The following MEMO1 variants were observed in gnomAD, a reference collection of about 807,000 sequenced individuals.
The protein encoded by MEMO1 is protein MEMO1.
In MEMO1, 6 loss-of-function variants were observed where a neutral mutation model predicts 45.2. The observed-to-expected ratio is 0.13, with a 90% CI of 0.07 to 0.26. The LOEUF (loss-of-function observed/expected upper bound fraction) is 0.26, where lower values mean the gene tolerates loss of function less well. MEMO1 is among the 10% of genes least tolerant of loss of function. MEMO1 has a pLI of 1.00. For missense variants in MEMO1, 184 were observed against 370.5 expected (o/e 0.50, Z 4.13); for synonymous variants, 78 against 124.3 (o/e 0.63, Z 2.48).
intron 7 of MEMO1, among the ~76,000 whole-genome samples, chr2:31,883,953 T>C (rs1192153519): frequency 6.6e-6 from 1 of 151,652 alleles, no homozygotes. Flanking sequence ...GTGTGACTTT[T>C]ATGAAGTAAA....
At chr2:31,957,809 A>G (rs757265097) in intron 2 of MEMO1, among the ~76,000 whole-genome samples, 10 of 152,252 alleles carry the variant, frequency 6.6e-5, no homozygotes, top group African/African-American at 1.9e-4. Context: ...GCATTTACAG[A>G]TAATCTAGAT....
intron 2 of MEMO1, among the ~76,000 whole-genome samples, chr2:31,996,893 G>A (rs1029681086): frequency 7.2e-5 from 11 of 152,098 alleles, no homozygotes; most frequent in African/African-American, 2.2e-4. Flanking sequence ...ACTATGCCCA[G>A]CAGAGAACGC....
intron 4 of MEMO1, among the ~76,000 whole-genome samples, chr2:31,931,028 A>T (rs1445966059): frequency 2.6e-5 from 4 of 152,112 alleles, no homozygotes; most frequent in Non-Finnish European, 5.9e-5. Flanking sequence ...TATATTAAGC[A>T]TGTATCAAGG....
chr2:31,921,428 G>A (rs1018008663), intron 4 of MEMO1, among the ~76,000 whole-genome samples: 1 of 152,042 alleles, frequency 6.6e-6, no homozygotes, highest in Non-Finnish European at 1.5e-5. Flanking sequence ...TGTCTTTGTT[G>A]GATGGCCTTT....
Position 31,928,153 on chromosome 2 carries a change from C to T in MEMO1, c.212+3914G>A, listed in dbSNP as rs1366305204. Among the ~76,000 whole-genome samples the T allele has an allele frequency of 3.3e-5, 5 of 152,186 alleles. No individual in the cohort carries two copies. In the East Asian group the frequency reaches 9.6e-4, roughly 29 times the overall value. On this transcript the variant is annotated intron_variant, in intron 4 of 9. Coordinates refer to ENST00000404530, the MANE Select transcript of MEMO1 (RefSeq NM_001301833.4). ...CCTTTGCTACCAATTCTTCATAGAACAGGCAAGTTTGTTTGTAAACAATCT... is the reference window on the plus strand; with the variant it reads ...CCTTTGCTACCAATTCTTCATAGAATAGGCAAGTTTGTTTGTAAACAATCT...
chr2:31,959,213 A>G (rs1336406833), intron 2 of MEMO1, among the ~76,000 whole-genome samples: 11 of 152,186 alleles, frequency 7.2e-5, no homozygotes, highest in Admixed American at 7.2e-4. Flanking sequence ...AAAAGGGATC[A>G]AGAGATTTCA....
chr2:31,901,374 CAAAAAAAA>C (rs70964738), intron 6 of MEMO1, among the ~76,000 whole-genome samples: 2 of 22,688 alleles, frequency 8.8e-5, no homozygotes, highest in African/African-American at 2.6e-4. Context: ...CTCTGTCTCA[CAAAAAAAA>C]AAAAAAAAAA....
intron 6 of MEMO1, among the ~76,000 whole-genome samples, chr2:31,915,746 T>C (rs111967728): frequency 2.0e-5 from 3 of 152,146 alleles, no homozygotes; most frequent in African/African-American, 7.2e-5. Flanking sequence ...GTAGCCCCAT[T>C]TGAGCCACCT....
At chr2:31,933,383 A>ATATATATATATATATATG (rs1185585265) in intron 3 of MEMO1, among the ~76,000 whole-genome samples, 2 of 112,636 alleles carry the variant, frequency 1.8e-5, no homozygotes, top group African/African-American at 6.4e-5. Context: ...ATATATATAT[A>ATATATATATATATATATG]GAAAGGGGAA....
intron 2 of MEMO1, among the ~76,000 whole-genome samples, chr2:31,973,074 T>C (rs1466614317): frequency 6.6e-6 from 1 of 152,204 alleles, no homozygotes; most frequent in East Asian, 1.9e-4. Context: ...GTGCAGTCAC[T>C]GTGGAAAAGT....
chr2:31,907,513 G>T (rs1679936437), intron 6 of MEMO1, among the ~76,000 whole-genome samples: 1 of 152,036 alleles, frequency 6.6e-6, no homozygotes, highest in Non-Finnish European at 1.5e-5. Flanking sequence ...TAACTAGTAA[G>T]TCCGGGCACA....
intron 4 of MEMO1, among the ~76,000 whole-genome samples, chr2:31,928,696 A>G (rs1324268965): frequency 6.6e-6 from 1 of 152,122 alleles, no homozygotes; most frequent in Non-Finnish European, 1.5e-5. Flanking sequence ...TAAATTTTAT[A>G]TTTTTTACCA....
At chr2:31,982,982 T>C (rs1299736779) in intron 2 of MEMO1, among the ~76,000 whole-genome samples, 3 of 151,926 alleles carry the variant, frequency 2.0e-5, no homozygotes, top group Non-Finnish European at 1.5e-5. Context: ...CTCACGCCTG[T>C]AATCCCAGCA....
At chr2:31,889,825 T>A (rs1004219941) in intron 7 of MEMO1, among the ~76,000 whole-genome samples, 2 of 152,102 alleles carry the variant, frequency 1.3e-5, no homozygotes, top group Non-Finnish European at 1.5e-5. Flanking sequence ...AATGAACACT[T>A]GAAAAGTTCT....
At chr2:31,932,783 T>C (rs1343115025) in intron 3 of MEMO1, among the ~76,000 whole-genome samples, 1 of 152,126 alleles carries the variant, frequency 6.6e-6, no homozygotes, top group African/African-American at 2.4e-5. Flanking sequence ...AGCAGACTAT[T>C]ACAGAAAAAT....
intron 6 of MEMO1, among the ~76,000 whole-genome samples, chr2:31,895,290 T>TAGG (rs1677588835): frequency 6.6e-6 from 1 of 152,214 alleles, no homozygotes; most frequent in African/African-American, 2.4e-5. Flanking sequence ...GCAGAAGTTG[T>TAGG]ATCTGAGTAA....
chr2:31,951,481 C>T (rs915136809), intron 2 of MEMO1, among the ~76,000 whole-genome samples: 5 of 151,108 alleles, frequency 3.3e-5, no homozygotes, highest in East Asian at 3.9e-4. Context: ...AAAGTGTTTC[C>T]GAGAAGCCTT....
intron 4 of MEMO1, among the ~76,000 whole-genome samples, chr2:31,926,376 G>GA (rs35245442): frequency 2.6e-3 from 316 of 120,190 alleles, no homozygotes; most frequent in South Asian, 0.021. Flanking sequence ...TCTCAAAAGG[G>GA]AAAAAAAAAA....
At chr2:31,992,557 G>C (rs1672075195) in intron 2 of MEMO1, among the ~76,000 whole-genome samples, 1 of 152,218 alleles carries the variant, frequency 6.6e-6, no homozygotes, top group Non-Finnish European at 1.5e-5. Flanking sequence ...GCCGAGGTGG[G>C]TGGATCACCT....
Sources: allele counts gnomAD v4.1 joint callset (sites outside exome capture counted in the v4.1 genomes callset), GRCh38; gene constraint gnomAD v4.1.1; transcripts MANE v1.5; gene names NCBI Gene and HGNC (gene_info 2026-07-23, HGNC 2026-07-21).